NSMCE2: variants seen among roughly 807,000 people sequenced by gnomAD.
The protein encoded by NSMCE2 is E3 SUMO-protein ligase NSE2.
Under a neutral mutation model 23.8 loss-of-function variants are expected in NSMCE2, and 24 were observed. The ratio of observed to expected loss-of-function variants is 1.01; its 90% CI spans 0.73 to 1.42. The LOEUF (loss-of-function observed/expected upper bound fraction) is 1.42, where lower values mean the gene tolerates loss of function less well. Ranked by LOEUF, NSMCE2 falls within the 40% of genes most tolerant of loss-of-function variation. The pLI is 0.00. For synonymous variants in NSMCE2, 92 were observed against 94.1 expected, an observed-to-expected ratio of 0.98 and a Z score of 0.13; for missense variants, 284 against 296.5, an observed-to-expected ratio of 0.96 and a Z score of 0.31.
chr8:125,309,843 G>T (rs551060691), intron 5 of NSMCE2, among the ~76,000 whole-genome samples: 13 of 152,180 alleles, frequency 8.5e-5, no homozygotes, highest in Non-Finnish European at 1.8e-4. Flanking sequence ...AGAGTATTGA[G>T]CAAGGCCTAC....
chr8:125,342,533 G>T (rs148936724), intron 5 of NSMCE2, among the ~76,000 whole-genome samples: 2 of 152,244 alleles, frequency 1.3e-5, no homozygotes, highest in Admixed American at 6.5e-5. Context: ...AGGCTTAGAG[G>T]CAAGGACTTT....
chr8:125,213,675 TTC>T (rs1270839300), intron 5 of NSMCE2, among the ~76,000 whole-genome samples: 1 of 117,216 alleles, frequency 8.5e-6, no homozygotes, highest in Non-Finnish European at 1.8e-5. Context: ...CTTTCTCTCT[TTC>T]TCTCTCTCTT....
chr8:125,125,827 A>T (rs186130366), intron 3 of NSMCE2, among the ~76,000 whole-genome samples: 12 of 152,204 alleles, frequency 7.9e-5, no homozygotes, highest in African/African-American at 2.9e-4. Flanking sequence ...TGTGAGTATC[A>T]TAGTTCACCT....
intron 4 of NSMCE2, among the ~76,000 whole-genome samples, chr8:125,161,505 G>A (rs2130727725): frequency 6.6e-6 from 1 of 152,144 alleles, no homozygotes; most frequent in African/African-American, 2.4e-5. Context: ...CTTAAAATTG[G>A]AAACAGTAAA....
intron 5 of NSMCE2, among the ~76,000 whole-genome samples, chr8:125,328,967 G>A (rs1829777147): frequency 6.6e-6 from 1 of 152,180 alleles, no homozygotes; most frequent in African/African-American, 2.4e-5. Context: ...CATGAGGCCT[G>A]TCCCATCAGA....
At chr8:125,170,444 T>C (rs563239797) in intron 4 of NSMCE2, among the ~76,000 whole-genome samples, 1 of 129,198 alleles carries the variant, frequency 7.7e-6, no homozygotes, top group Non-Finnish European at 1.6e-5. Flanking sequence ...CTTGGCCTCT[T>C]GGGCAGGCTG....
At chr8:125,338,268 A>T (rs2131317389) in intron 5 of NSMCE2, among the ~76,000 whole-genome samples, 1 of 137,638 alleles carries the variant, frequency 7.3e-6, no homozygotes, top group African/African-American at 2.6e-5. Context: ...GTCTTTTTCT[A>T]CCTAGATGTT....
chr8:125,289,036 G>A (rs929675604), intron 5 of NSMCE2, among the ~76,000 whole-genome samples: 1 of 152,214 alleles, frequency 6.6e-6, no homozygotes, highest in African/African-American at 2.4e-5. Flanking sequence ...AAGCAATCCT[G>A]CCTTAACCTC....
chr8:125,096,001 A>G (rs1251433907), intron 1 of NSMCE2, among the ~76,000 whole-genome samples: 1 of 152,216 alleles, frequency 6.6e-6, no homozygotes, highest in Non-Finnish European at 1.5e-5. Context: ...CCACAAGTCT[A>G]AATGGCTTTG....
chr8:125,170,631 C>T (rs1822151527), intron 4 of NSMCE2, among the ~76,000 whole-genome samples: 1 of 152,062 alleles, frequency 6.6e-6, no homozygotes, highest in African/African-American at 2.4e-5. Flanking sequence ...TGGTCTCGAA[C>T]TCCTGACCTC....
In NSMCE2 at chr8:125,298,141, TC is replaced by T. The variant is rs557746841; in HGVS notation, c.419-59075del. Among the ~76,000 whole-genome samples, 94 of 152,056 alleles carry T rather than the reference TC, an allele frequency of 6.2e-4. 1 individual carries two copies. The highest frequency in any genetic ancestry group is 1.1e-3 in the Non-Finnish European group (73 of 68,010). On this transcript the variant is annotated intron_variant, in intron 5 of 7. Coordinates refer to ENST00000287437, the MANE Select transcript of NSMCE2 (RefSeq NM_173685.4). ...CTGGTGTGGTGGTACACACCTGTAG[TC>T]CCAGCTACTAGGGAGGCTGAGGCCA...
intron 3 of NSMCE2, among the ~76,000 whole-genome samples, chr8:125,108,492 A>C (rs1004504475): frequency 2.6e-5 from 4 of 152,208 alleles, no homozygotes; most frequent in African/African-American, 9.6e-5. Flanking sequence ...AAGTTCTGTA[A>C]CTTTGAGTAA....
At chr8:125,103,305 CAA>C (rs1306185191) in intron 3 of NSMCE2, among the ~76,000 whole-genome samples, 1 of 138,992 alleles carries the variant, frequency 7.2e-6, no homozygotes, top group Non-Finnish European at 1.6e-5. Flanking sequence ...GACTCTGTCT[CAA>C]AAAAAAAAAG....
At chr8:125,225,135 C>G (rs1314583674) in intron 5 of NSMCE2, among the ~76,000 whole-genome samples, 1 of 152,112 alleles carries the variant, frequency 6.6e-6, no homozygotes, top group Non-Finnish European at 1.5e-5. Context: ...ATGTGCTAAT[C>G]CCTAACATGA....
chr8:125,094,850 T>C (rs890897447), intron 1 of NSMCE2, among the ~76,000 whole-genome samples: 28 of 152,180 alleles, frequency 1.8e-4, no homozygotes, highest in Non-Finnish European at 1.8e-4. Context: ...TTCCTTTTCT[T>C]TTCTTTTCTC....
intron 5 of NSMCE2, among the ~76,000 whole-genome samples, chr8:125,261,751 A>C (rs1826699689): frequency 1.3e-5 from 2 of 151,948 alleles, no homozygotes; most frequent in South Asian, 4.1e-4. Flanking sequence ...GAAGTAAAAA[A>C]AAAAAAACAA....
chr8:125,157,339 A>G (rs934613876), intron 4 of NSMCE2, among the ~76,000 whole-genome samples: 1 of 152,164 alleles, frequency 6.6e-6, no homozygotes, highest in African/African-American at 2.4e-5. Flanking sequence ...GTGATAGACA[A>G]CTCTTAACAT....
chr8:125,121,649 A>G (rs560161301), intron 3 of NSMCE2, among the ~76,000 whole-genome samples: 5 of 152,318 alleles, frequency 3.3e-5, no homozygotes, highest in Admixed American at 3.3e-4. Flanking sequence ...TCTGTATCCC[A>G]TAGGCATACA....
At chr8:125,222,869 C>T (rs1397213213) in intron 5 of NSMCE2, among the ~76,000 whole-genome samples, 10 of 151,712 alleles carry the variant, frequency 6.6e-5, no homozygotes, top group Non-Finnish European at 1.3e-4. Flanking sequence ...TCAAGACCAG[C>T]CTAGGCAACA....
Sources: gnomAD v4.1 joint callset for allele counts (sites outside exome capture counted in the v4.1 genomes callset) on GRCh38, gnomAD v4.1.1 for gene constraint, MANE v1.5 for transcripts, NCBI Gene and HGNC (gene_info 2026-07-23, HGNC 2026-07-21) for gene names.